Variants in GRIN2B observed in about 807,000 individuals in gnomAD.
The protein encoded by GRIN2B is glutamate ionotropic receptor NMDA type subunit 2B.
In GRIN2B, 5 loss-of-function variants were observed where a neutral mutation model predicts 114.5. The ratio of observed to expected loss-of-function variants is 0.04; its 90% CI spans 0.02 to 0.09. The LOEUF (loss-of-function observed/expected upper bound fraction) is 0.09. Ranked by LOEUF, GRIN2B falls within the 10% of genes least tolerant of loss-of-function variation. The pLI is 1.00. For synonymous variants in GRIN2B, 787 were observed against 745.1 expected, an observed-to-expected ratio of 1.06 and a Z score of -0.92; for missense variants, 1,108 against 1,943.5, an observed-to-expected ratio of 0.57 and a Z score of 8.08.
At position 13,562,908 on chromosome 12, in the gene GRIN2B, T is replaced by C. The variant is rs768707460; in HGVS notation, c.4330A>G (p.Lys1444Glu). ...GACTGGTTCCCTATACAGATGTCCT[T>C]CTGGAAACGGGCTGGCACGGCCCCA... ...LHGAVPARFQKDICIGNQSNP... is the reference protein window; with the variant it reads ...LHGAVPARFQEDICIGNQSNP... The change falls in exon 14 of 14, where the codon AAG becomes GAG. Residue 1444 changes from lysine (K) to glutamate (E), a missense_variant. This residue lies in a region of GRIN2B where 478 missense variants were observed against 506.0 expected (regional missense o/e 0.94). Transcript: ENST00000609686. 2 of 1,614,174 alleles carry C rather than the reference T, an allele frequency of 1.2e-6. No individual in the cohort carries two copies. The highest frequency in any genetic ancestry group is 4.5e-5 in the East Asian group (2 of 44,876).
chr12:13,888,775 T>A (rs1214541418), intron 2 of GRIN2B, among the ~76,000 whole-genome samples: 1 of 110,844 alleles, frequency 9.0e-6, no homozygotes, highest in Non-Finnish European at 2.0e-5. Context: ...AAAGATTTTT[T>A]AAAACGGTAT....
intron 3 of GRIN2B, 100 bp downstream of exon 3, chr12:13,865,698 T>C: frequency 1.0e-6 from 1 of 975,558 alleles, no homozygotes. Flanking sequence ...GCAATCTGGT[T>C]ACCTTCCATC....
At chr12:13,852,851 G>A (rs1865595200) in intron 3 of GRIN2B, among the ~76,000 whole-genome samples, 1 of 151,828 alleles carries the variant, frequency 6.6e-6, no homozygotes, top group Non-Finnish European at 1.5e-5. Context: ...AGGTAACATG[G>A]CCCCATTCTT....
At chr12:13,969,756 A>G (rs1234683423) in intron 2 of GRIN2B, among the ~76,000 whole-genome samples, 2 of 152,210 alleles carry the variant, frequency 1.3e-5, no homozygotes, top group Non-Finnish European at 2.9e-5. Flanking sequence ...ATTGCCTGCA[A>G]TGGTTACTGA....
chr12:13,849,188 A>G (rs1314213997), intron 3 of GRIN2B, among the ~76,000 whole-genome samples: 1 of 151,828 alleles, frequency 6.6e-6, no homozygotes, highest in African/African-American at 2.4e-5. Flanking sequence ...CAAGCAGGCA[A>G]GCAGGACAAG....
intron 5 of GRIN2B, among the ~76,000 whole-genome samples, chr12:13,637,441 A>G (rs889322681): frequency 6.6e-6 from 1 of 152,132 alleles, no homozygotes; most frequent in Non-Finnish European, 1.5e-5. Flanking sequence ...TGTGAAATTT[A>G]ATTACACACC....
At chr12:13,632,042 A>C (rs1053137403) in intron 5 of GRIN2B, among the ~76,000 whole-genome samples, 1 of 152,164 alleles carries the variant, frequency 6.6e-6, no homozygotes, top group African/African-American at 2.4e-5. Flanking sequence ...CCTCCAACTT[A>C]AGCCATTTGA....
intron 4 of GRIN2B, among the ~76,000 whole-genome samples, chr12:13,682,472 A>G (rs1173928983): frequency 6.6e-6 from 1 of 152,180 alleles, no homozygotes; most frequent in East Asian, 1.9e-4. Context: ...CCAGTGGATA[A>G]CACATTTTCT....
At chr12:13,870,212 A>G (rs1460280017) in intron 2 of GRIN2B, among the ~76,000 whole-genome samples, 2 of 152,214 alleles carry the variant, frequency 1.3e-5, no homozygotes, top group Non-Finnish European at 2.9e-5. Context: ...CTGACAGCTT[A>G]CTAGTCATGT....
At chr12:13,902,589 T>C (rs1161610096) in intron 2 of GRIN2B, among the ~76,000 whole-genome samples, 1 of 152,148 alleles carries the variant, frequency 6.6e-6, no homozygotes, top group Non-Finnish European at 1.5e-5. Context: ...GGTGGGCAGA[T>C]TACCTGAGGT....
intron 4 of GRIN2B, among the ~76,000 whole-genome samples, chr12:13,676,839 G>A (rs1950079252): frequency 6.6e-6 from 1 of 152,154 alleles, no homozygotes; most frequent in African/African-American, 2.4e-5. Flanking sequence ...ATTACACTAT[G>A]TATAGGGAAC....
chr12:13,919,730 T>C (rs1866792319), intron 2 of GRIN2B, among the ~76,000 whole-genome samples: 1 of 152,138 alleles, frequency 6.6e-6, no homozygotes, highest in Non-Finnish European at 1.5e-5. Flanking sequence ...AAGATCTTGC[T>C]TGAAAATTGG....
At chr12:13,824,976 C>G (rs1479666563) in intron 3 of GRIN2B, among the ~76,000 whole-genome samples, 1 of 148,974 alleles carries the variant, frequency 6.7e-6, no homozygotes, top group African/African-American at 2.5e-5. Context: ...TTCTGTTTAT[C>G]TTACTCTTCT....
chr12:13,777,180 T>C (rs753272159), intron 3 of GRIN2B, among the ~76,000 whole-genome samples: 2 of 152,172 alleles, frequency 1.3e-5, no homozygotes, highest in Non-Finnish European at 2.9e-5. Flanking sequence ...TGTCCCCTCC[T>C]GGTACTAGAA....
chr12:13,763,411 A>G (rs1189359800), intron 3 of GRIN2B, among the ~76,000 whole-genome samples: 3 of 151,902 alleles, frequency 2.0e-5, no homozygotes, highest in African/African-American at 7.3e-5. Flanking sequence ...TCACTTCCTC[A>G]TGTTCTGATT....
intron 3 of GRIN2B, among the ~76,000 whole-genome samples, chr12:13,795,651 T>G (rs1322718723): frequency 6.6e-6 from 1 of 152,326 alleles, no homozygotes; most frequent in Middle Eastern, 3.4e-3. Flanking sequence ...ATTGCAGCAC[T>G]GTTCACAATA....
intron 2 of GRIN2B, 45 bp from the exon 3 acceptor site, chr12:13,866,271 C>T (rs45592131): frequency 1.1e-5 from 17 of 1,541,688 alleles, no homozygotes; most frequent in African/African-American, 4.0e-5. Flanking sequence ...ATCTACATCA[C>T]GTAACCTGTC....
At chr12:13,660,049 T>TG (rs1949905750) in intron 5 of GRIN2B, among the ~76,000 whole-genome samples, 1 of 152,152 alleles carries the variant, frequency 6.6e-6, no homozygotes, top group African/African-American at 2.4e-5. Context: ...CCTTGTCACT[T>TG]GGGCAGGGTT....
intron 2 of GRIN2B, among the ~76,000 whole-genome samples, chr12:13,953,248 C>T (rs996186851): frequency 2.0e-5 from 3 of 152,090 alleles, no homozygotes; most frequent in Non-Finnish European, 2.9e-5. Context: ...CTTTTCTGAC[C>T]TGGCCTCAGA....
Sources: allele counts gnomAD v4.1 joint callset (sites outside exome capture counted in the v4.1 genomes callset), GRCh38; gene constraint gnomAD v4.1.1; regional missense constraint gnomAD v4.1.1; transcripts MANE v1.5; gene names NCBI Gene and HGNC (gene_info 2026-07-23, HGNC 2026-07-21).